The following TMEM196 variants were observed in gnomAD, a reference collection of about 807,000 sequenced individuals.
TMEM196 encodes transmembrane protein 196.
In TMEM196, 17 loss-of-function variants were observed where a neutral mutation model predicts 20.0. That is an observed-to-expected ratio of 0.85 (90% CI 0.58 to 1.27). TMEM196 has a LOEUF of 1.27. TMEM196 is among the 50% of genes most tolerant of loss of function. TMEM196 has a pLI of 0.00. For missense variants in TMEM196, 267 were observed against 223.0 expected, an observed-to-expected ratio of 1.20 and a Z score of -1.26; for synonymous variants, 113 against 88.9, an observed-to-expected ratio of 1.27 and a Z score of -1.52.
In TMEM196 at chr7:19,765,130, T is replaced by C. The variant is rs551774566; in HGVS notation, c.147+7420A>G. On this transcript the variant is annotated intron_variant, in intron 1 of 4. Coordinates refer to ENST00000405844, the MANE Select transcript of TMEM196 (RefSeq NM_001363562.2). ...AAGTTGTTAAAATTAGAAATAATAA[T>C]ACATATGGAAGCATCTGGACATTAG... 4.0e-5 allele frequency among the ~76,000 whole-genome samples: 6 copies of C among 150,694 alleles called. No individual in the cohort carries two copies. The South Asian group carries it at 1.3e-3, about 32-fold the overall frequency.
intron 1 of TMEM196, among the ~76,000 whole-genome samples, chr7:19,753,660 A>T (rs187694589): frequency 2.3e-3 from 350 of 152,296 alleles, no homozygotes; most frequent in Admixed American, 4.6e-3. Flanking sequence ...CTTAAAATAA[A>T]TTGATTCTAG....
intron 1 of TMEM196, among the ~76,000 whole-genome samples, chr7:19,751,738 AAC>A (rs1242817005): frequency 2.6e-5 from 4 of 152,244 alleles, no homozygotes; most frequent in African/African-American, 7.2e-5. Context: ...CAGAATTCCT[AAC>A]AGAATTATAA....
At chr7:19,733,919 C>T (rs1784301033) in intron 1 of TMEM196, among the ~76,000 whole-genome samples, 1 of 152,170 alleles carries the variant, frequency 6.6e-6, no homozygotes, top group African/African-American at 2.4e-5. Flanking sequence ...CTTTCTCCTT[C>T]AGCCCCACCT....
intron 2 of TMEM196, 87 bp downstream of exon 2, chr7:19,729,295 T>A: frequency 1.8e-6 from 2 of 1,132,174 alleles, no homozygotes; most frequent in Non-Finnish European, 2.4e-6. Flanking sequence ...ATATTCAGTA[T>A]ATGAAAGCTG....
chr7:19,749,621 A>C (rs1161500179), intron 1 of TMEM196, among the ~76,000 whole-genome samples: 1 of 152,234 alleles, frequency 6.6e-6, no homozygotes, highest in African/African-American at 2.4e-5. Flanking sequence ...ATAGTGAAAC[A>C]AATGAACATA....
intron 1 of TMEM196, among the ~76,000 whole-genome samples, chr7:19,760,951 C>A (rs1785411532): frequency 6.6e-6 from 1 of 152,186 alleles, no homozygotes; most frequent in Admixed American, 6.5e-5. Flanking sequence ...CCACACCACG[C>A]TGTCTTTTCC....
chr7:19,739,684 A>G (rs1784520892), intron 1 of TMEM196, among the ~76,000 whole-genome samples: 1 of 152,200 alleles, frequency 6.6e-6, no homozygotes, highest in African/African-American at 2.4e-5. Context: ...ATGGAAACAT[A>G]CACAAAAGAT....
intron 1 of TMEM196, among the ~76,000 whole-genome samples, chr7:19,763,889 A>G (rs750338507): frequency 1.1e-4 from 16 of 152,302 alleles, no homozygotes; most frequent in African/African-American, 3.6e-4. Context: ...GAATTAACTG[A>G]TTGTTCAGTG....
rs1266409373 is a variant in TMEM196 at position 19,729,345 on chromosome 7, C to T, written c.204+37G>A. On this transcript the variant is annotated intron_variant, in intron 2 of 4. Transcript: ENST00000405844. ...CTATTTTAGAATTTTACGTTTCATA[C>T]ACCTCAATGCACAATACAAACAAAT... The T allele has an allele frequency of 2.6e-6, 4 of 1,517,200 alleles. No individual in the cohort carries two copies. In the East Asian group the frequency reaches 1.0e-4, roughly 38 times the overall value. 94.0% of individuals were successfully genotyped at this position (1,517,200 alleles called of 1,614,324 possible). A position where few individuals can be genotyped will look rare whatever the true frequency, so the allele number is the denominator to read the frequency against.
At chr7:19,770,023 C>G (rs1380662007) in intron 1 of TMEM196, among the ~76,000 whole-genome samples, 2 of 151,982 alleles carry the variant, frequency 1.3e-5, no homozygotes, top group African/African-American at 2.4e-5. Flanking sequence ...AGTGGTAGAT[C>G]TGGGATTTGC....
At chr7:19,745,272 T>G (rs1462610553) in intron 1 of TMEM196, among the ~76,000 whole-genome samples, 1 of 152,190 alleles carries the variant, frequency 6.6e-6, no homozygotes, top group Non-Finnish European at 1.5e-5. Flanking sequence ...AATCTGCAGT[T>G]GGTTGAATTG....
intron 2 of TMEM196, 69 bp downstream of exon 2, chr7:19,729,313 A>G (rs1784113233): frequency 7.4e-7 from 1 of 1,348,988 alleles, no homozygotes; most frequent in Non-Finnish European, 1.0e-6. Context: ...CTGGCTAGCC[A>G]TCATTTCTAT....
intron 1 of TMEM196, among the ~76,000 whole-genome samples, chr7:19,732,588 A>ACAAAC (rs61054504): frequency 1.7e-5 from 2 of 117,960 alleles, no homozygotes; most frequent in Admixed American, 8.6e-5. Flanking sequence ...AAAAAAACAA[A>ACAAAC]AAAAAAAAAA....
chr7:19,741,667 A>G (rs926751742), intron 1 of TMEM196, among the ~76,000 whole-genome samples: 3 of 152,150 alleles, frequency 2.0e-5, no homozygotes, highest in South Asian at 2.1e-4. Context: ...ATACAAATAG[A>G]CTTTTCTACA....
intron 1 of TMEM196, among the ~76,000 whole-genome samples, chr7:19,762,819 G>A (rs925570297): frequency 3.3e-5 from 5 of 152,184 alleles, no homozygotes; most frequent in East Asian, 1.9e-4. Flanking sequence ...GACCCTAGGG[G>A]ATTAAGGAAT....
Position 19,739,274 on chromosome 7 carries a change from A to G in TMEM196, c.148-9836T>C, listed in dbSNP as rs563560641. On this transcript the variant is annotated intron_variant, in intron 1 of 4. Transcript: ENST00000405844. ...TAATATAGAAAGGTAGCAAGGCACA[A>G]ATTAATATTAGAAAGCAGTAATATT... Among the ~76,000 whole-genome samples, 22 of 152,336 alleles carry G rather than the reference A, an allele frequency of 1.4e-4. No individual in the cohort carries two copies. The South Asian group carries it at 4.6e-3, about 32-fold the overall frequency.
chr7:19,727,628 A>G (rs551850363), intron 2 of TMEM196, among the ~76,000 whole-genome samples: 14 of 152,300 alleles, frequency 9.2e-5, no homozygotes, highest in Admixed American at 3.3e-4. Context: ...CTTTGGGGAT[A>G]TATTTTGGTG....
intron 4 of TMEM196, among the ~76,000 whole-genome samples, chr7:19,723,478 G>T (rs28545597): frequency 0.18 from 27,923 of 151,920 alleles, 3,203 homozygotes; most frequent in East Asian, 0.59. Context: ...TTTTTAAAAT[G>T]TTACAAAAAA....
intron 4 of TMEM196, among the ~76,000 whole-genome samples, chr7:19,722,580 C>G (rs1441835932): frequency 2.0e-5 from 3 of 152,108 alleles, no homozygotes; most frequent in South Asian, 4.1e-4. Flanking sequence ...AGAAAAAGGC[C>G]TACGAGGGCA....
Sources: allele counts gnomAD v4.1 joint callset (sites outside exome capture counted in the v4.1 genomes callset), GRCh38; gene constraint gnomAD v4.1.1; transcripts MANE v1.5; gene names NCBI Gene and HGNC (gene_info 2026-07-23, HGNC 2026-07-21).